Variants in TENM1 observed in about 807,000 individuals in gnomAD.
The protein encoded by TENM1 is teneurin-1.
A neutral mutation model predicts 174.8 loss-of-function variants in TENM1; 35 were observed. That is an observed-to-expected ratio of 0.20 (90% CI 0.15 to 0.27). TENM1 has a LOEUF of 0.27. Among genes scored for constraint, TENM1 ranks in the 10% least tolerant of loss-of-function variants. The probability of loss-of-function intolerance (pLI) is 1.00; values close to 1 mark genes in which losing one functional copy is unlikely to be tolerated. For missense variants in TENM1, 1,633 were observed against 2,130.1 expected, an observed-to-expected ratio of 0.77 and a Z score of 4.59; for synonymous variants, 781 against 798.7, an observed-to-expected ratio of 0.98 and a Z score of 0.37.
intron 22 of TENM1, among the ~76,000 whole-genome samples, chrX:124,467,611 G>A (rs2061253422): frequency 8.9e-6 from 1 of 112,150 alleles, no homozygotes. Context: ...GTTGGTACCT[G>A]TGCGTTACAG....
At chrX:125,101,892 T>G in the TENM1 span, among the ~76,000 whole-genome samples, 4 of 88,005 alleles carry the variant, frequency 4.5e-5, no homozygotes, top group Admixed American at 1.3e-4. Flanking sequence ...TGCCAACAAA[T>G]AGTTATTAAA....
chrX:125,085,430 T>A, the TENM1 span, among the ~76,000 whole-genome samples: 1 of 111,086 alleles, frequency 9.0e-6, no homozygotes, highest in Non-Finnish European at 1.9e-5. Flanking sequence ...GTTACAAGAT[T>A]CTTGGGTTAA....
chrX:125,068,463 T>A, the TENM1 span, among the ~76,000 whole-genome samples: 2 of 111,255 alleles, frequency 1.8e-5, no homozygotes, highest in African/African-American at 3.3e-5. Context: ...ATTAATAGAG[T>A]TGATGACTAA....
At chrX:124,466,255 T>C (rs1321519170) in intron 22 of TENM1, among the ~76,000 whole-genome samples, 1 of 111,931 alleles carries the variant, frequency 8.9e-6, no homozygotes, top group East Asian at 2.8e-4. Flanking sequence ...ATAAAATAGA[T>C]GATTAAGGTC....
intron 1 of TENM1, among the ~76,000 whole-genome samples, chrX:124,901,122 T>C (rs2057656125): frequency 9.0e-6 from 1 of 110,741 alleles, no homozygotes; most frequent in Non-Finnish European, 1.9e-5. Flanking sequence ...TCTTCTAGGG[T>C]GTACTTTTGT....
At chrX:124,804,930 CA>C (rs1042548177) in intron 3 of TENM1, among the ~76,000 whole-genome samples, 51 of 109,811 alleles carry the variant, frequency 4.6e-4, no homozygotes, top group Admixed American at 2.2e-3. Context: ...ATTAAAAATA[CA>C]AAAAAAAATT....
chrX:124,583,255 C>A (rs867081107), intron 11 of TENM1, among the ~76,000 whole-genome samples: 3 of 111,717 alleles, frequency 2.7e-5, no homozygotes, highest in Middle Eastern at 9.2e-3. Flanking sequence ...TGACCCCTGA[C>A]CCCCGAGCAG....
At position 124,631,974 on chromosome X, in the gene TENM1, G is replaced by A. The variant is rs141139450; in HGVS notation, c.2077+9817C>T. On this transcript the variant is annotated intron_variant, in intron 11 of 31. Coordinates refer to ENST00000422452, the Ensembl canonical transcript of TENM1. Reference sequence around the variant, plus strand: ...GTCACCCAGGCTGGAGTACAGTGGCGCAATCTCGGCTCACTGCAACCTCTG... The same window carrying A: ...GTCACCCAGGCTGGAGTACAGTGGCACAATCTCGGCTCACTGCAACCTCTG... Among the ~76,000 whole-genome samples the A allele has an allele frequency of 3.0e-3, 291 of 98,044 alleles. 3 individuals carry two copies. Among genetic ancestry groups the A allele is most frequent in the African/African-American group, 0.01 (266 of 26,412 alleles). 85.1% of individuals were successfully genotyped at this position (98,044 alleles called of 115,157 possible).
chrX:124,463,514 T>C, intron 22 of TENM1, among the ~76,000 whole-genome samples: 1 of 111,487 alleles, frequency 9.0e-6, no homozygotes, highest in East Asian at 2.8e-4. Context: ...TAAATAAGAT[T>C]TAAGTCCATG....
At chrX:124,409,688 A>G (rs1254255296) in intron 25 of TENM1, among the ~76,000 whole-genome samples, 3 of 106,639 alleles carry the variant, frequency 2.8e-5, no homozygotes, top group African/African-American at 1.0e-4. Context: ...ATACAAAATC[A>G]ATGTGCAAAA....
At chrX:124,959,448 T>C (rs1180143637) in intron 1 of TENM1, among the ~76,000 whole-genome samples, 1 of 111,535 alleles carries the variant, frequency 9.0e-6, no homozygotes. Context: ...TGTCAGTTCA[T>C]GGATGATAGA....
chrX:125,043,315 C>A, the TENM1 span, among the ~76,000 whole-genome samples: 1 of 4,008 alleles, frequency 2.5e-4, no homozygotes, highest in Admixed American at 3.6e-3. Context: ...AACAAATTTA[C>A]AAGAAAAAAA....
At chrX:124,977,577 C>T in the TENM1 span, among the ~76,000 whole-genome samples, 1 of 110,642 alleles carries the variant, frequency 9.0e-6, no homozygotes, top group East Asian at 2.9e-4. Flanking sequence ...GAAACATTTC[C>T]ATCACCCTAA....
intron 3 of TENM1, among the ~76,000 whole-genome samples, chrX:124,792,619 CA>C (rs931220959): frequency 1.3e-4 from 14 of 110,977 alleles, no homozygotes; most frequent in African/African-American, 4.6e-4. Flanking sequence ...AGACCATTTG[CA>C]AAAGGCAAAG....
chrX:125,006,151 A>T, the TENM1 span, among the ~76,000 whole-genome samples: 15,071 of 111,520 alleles, frequency 0.14, 788 homozygotes, highest in South Asian at 0.24. Flanking sequence ...AGCAGTCTGA[A>T]GTTGGCCTGG....
At chrX:125,046,223 A>G in the TENM1 span, among the ~76,000 whole-genome samples, 1 of 111,780 alleles carries the variant, frequency 8.9e-6, no homozygotes, top group African/African-American at 3.2e-5. Flanking sequence ...TTTTATCCAT[A>G]TGTATGTATT....
intron 25 of TENM1, among the ~76,000 whole-genome samples, chrX:124,418,767 T>C (rs2060620397): frequency 8.9e-6 from 1 of 112,223 alleles, no homozygotes; most frequent in Admixed American, 9.5e-5. Flanking sequence ...ATTCCACCAT[T>C]AGCTTTCAAA....
rs183095309 is a variant in TENM1, at chrX:124,930,578, T to C, written c.217+32959A>G. ...TTTATATATGTGCACTTTTTCTCCC[T>C]CACTTCATCCTAAAGGACAGGTAAC... On this transcript the variant is annotated intron_variant, in intron 1 of 31. Transcript: ENST00000422452. Among the ~76,000 whole-genome samples, 197 of 112,265 alleles carry C rather than the reference T, an allele frequency of 1.8e-3. No individual in the cohort carries two copies. The Middle Eastern group carries it at 0.032, about 18-fold the overall frequency.
intron 5 of TENM1, among the ~76,000 whole-genome samples, chrX:124,687,293 T>C (rs181070726): frequency 1.8e-5 from 2 of 111,521 alleles, no homozygotes; most frequent in African/African-American, 3.3e-5. Flanking sequence ...TCTACAACCA[T>C]CTGATCTTCG....
Sources: allele counts gnomAD v4.1 joint callset (sites outside exome capture counted in the v4.1 genomes callset), GRCh38; gene constraint gnomAD v4.1.1; transcripts MANE v1.5; gene names NCBI Gene and HGNC (gene_info 2026-07-23, HGNC 2026-07-21).